The following TBCC variants were observed in gnomAD, a reference collection of about 807,000 sequenced individuals.
The protein encoded by TBCC is tubulin-specific chaperone C.
TBCC carries 25 observed loss-of-function variants against 25.3 expected under a neutral mutation model. That is an observed-to-expected ratio of 0.99 (90% CI 0.72 to 1.38). The LOEUF (loss-of-function observed/expected upper bound fraction) is 1.38. TBCC is among the 40% of genes most tolerant of loss of function. The pLI is 0.00. For synonymous variants in TBCC, 226 were observed against 192.8 expected (o/e 1.17, Z -1.43); for missense variants, 507 against 447.2 (o/e 1.13, Z -1.21).
chr6:42,745,267 G>T lies in TBCC; in HGVS notation c.807C>A (p.Thr269=). The T allele has an allele frequency of 6.2e-7, 1 of 1,614,216 alleles. No individual in the cohort carries two copies. The highest frequency in any genetic ancestry group is 8.5e-7 in the Non-Finnish European group (1 of 1,180,042). Residue 269 remains threonine, a synonymous_variant, in exon 1 of 1, where the codon ACC becomes ACA. Coordinates refer to ENST00000372876, the MANE Select transcript of TBCC (RefSeq NM_003192.3). The surrounding 1 kb of genome is among the most constrained non-coding windows in gnomAD (Gnocchi z 4.2). Reference sequence around the variant, plus strand: ...TGCTGGTCACCTGCAGGAAGATGCGGGTGTCTTTCGTACTGTGTATGCGGA... The same window carrying T: ...TGCTGGTCACCTGCAGGAAGATGCGTGTGTCTTTCGTACTGTGTATGCGGA... ...QQLRIHSTKD[T]RIFLQVTSRA...
chr6:42,745,429 C>A lies in TBCC; in HGVS notation c.645G>T (p.Thr215=). 2.5e-6 allele frequency: 4 copies of A among 1,614,208 alleles called. No homozygotes were observed. Among genetic ancestry groups the A allele is most frequent in the Non-Finnish European group, 3.4e-6 (4 of 1,180,028 alleles). Reference sequence around the variant, plus strand: ...TGTTGGGATTTCCATACAGTCTGACCGTGCAGTTGCTCAGTTCGGTCAAAA... The same window carrying A: ...TGTTGGGATTTCCATACAGTCTGACAGTGCAGTTGCTCAGTTCGGTCAAAA... The part of the protein sequence containing the change: ...DVLLTELSNC[T]VRLYGNPNTL... The change falls in exon 1 of 1, where the codon ACG becomes ACT. Residue 215 remains threonine (T), a synonymous_variant. Transcript: ENST00000372876. The surrounding 1 kb of genome is among the most constrained non-coding windows in gnomAD (Gnocchi z 4.2).
chr6:42,745,649 C>T lies in TBCC; in HGVS notation c.425G>A (p.Arg142Gln), dbSNP rs756384032. 3.1e-6 allele frequency: 5 copies of T among 1,612,146 alleles called. No individual in the cohort carries two copies. The African/African-American group carries it at 5.3e-5, about 17-fold the overall frequency. ...QPKKRFAFKT[R>Q]GKDAASSTKV... The stretch of plus-strand genomic sequence containing the variant: ...GGTAGACGAAGCAGCATCCTTTCCC[C>T]GGGTCTTGAAAGCGAAACGCTTCTT... The change falls in exon 1 of 1, where the codon CGG becomes CAG. Residue 142 changes from arginine to glutamine, a missense_variant. Coordinates refer to ENST00000372876, the MANE Select transcript of TBCC (RefSeq NM_003192.3). This position sits in a 1 kb window ranked among gnomAD's most constrained non-coding sequence, Gnocchi z 4.2.
Position 42,745,095 on chromosome 6 carries a change from C to T in TBCC, c.979G>A (p.Asp327Asn), listed in dbSNP as rs944229311. 3 of 1,614,208 alleles carry T rather than the reference C, an allele frequency of 1.9e-6. No homozygotes were observed. The highest frequency in any genetic ancestry group is 1.6e-4 in the Middle Eastern group (1 of 6,062). ...ATACTCCAGTTTGGGGAGGCCATAT[C>T]CCGGGCCAGCCAGTTAAAATCGTCA... ...DVDDFNWLAR[D>N]MASPNWSILP... Residue 327 changes from aspartate (D) to asparagine (N), a missense_variant, in exon 1 of 1, where the codon GAT becomes AAT. By Grantham distance (23) the Asp-to-Asn change is conservative. Transcript: ENST00000372876. The surrounding 1 kb of genome is among the most constrained non-coding windows in gnomAD (Gnocchi z 4.2).
Position 42,745,180 on chromosome 6 carries a change from C to T in TBCC, c.894G>A (p.Glu298=). The T allele has an allele frequency of 1.2e-6, 2 of 1,614,240 alleles. No homozygotes were observed. Among genetic ancestry groups the T allele is most frequent in the Non-Finnish European group, 1.7e-6 (2 of 1,180,042 alleles). The change falls in exon 1 of 1, where the codon GAG becomes GAA. Residue 298 remains glutamate (E), a synonymous_variant. Coordinates refer to ENST00000372876, the MANE Select transcript of TBCC (RefSeq NM_003192.3). This position sits in a 1 kb window ranked among gnomAD's most constrained non-coding sequence, Gnocchi z 4.2. The part of the protein sequence containing the change: ...QFAPYTWSYP[E]IDKDFESSGL... ...CAGAGCTCTCGAAGTCCTTGTCGAT[C>T]TCCGGGTAGCTCCAGGTGTAAGGGG... is the stretch of plus-strand genomic sequence containing the variant.
chr6:42,745,350 T>C lies in TBCC; in HGVS notation c.724A>G (p.Thr242Ala). Residue 242 changes from threonine (T) to alanine (A), a missense_variant, in exon 1 of 1, where the codon ACC becomes GCC. By Grantham distance (58) the Thr-to-Ala change is moderately conservative. Coordinates refer to ENST00000372876, the MANE Select transcript of TBCC (RefSeq NM_003192.3). This position sits in a 1 kb window ranked among gnomAD's most constrained non-coding sequence, Gnocchi z 4.2. ...SCKLLCGPVS[T>A]SVFLEDCSDC... ...CTGCAGTCCTCCAGGAAAACAGAGG[T>C]AGACACCGGACCGCAGAGCAGCTTG... The C allele has an allele frequency of 1.2e-6, 2 of 1,614,110 alleles. No homozygotes were observed. The highest frequency in any genetic ancestry group is 1.1e-5 in the South Asian group (1 of 91,082).
chr6:42,744,941 A>C lies in TBCC; in HGVS notation c.*92T>G, dbSNP rs1051492866. The C allele has an allele frequency of 3.8e-5, 45 of 1,196,532 alleles. No individual in the cohort carries two copies. The African/African-American group carries it at 6.1e-4, about 16-fold the overall frequency. The allele number at this position is 1,196,532 out of a possible 1,614,324, so 74.1% of individuals were successfully genotyped here. On this transcript the variant is annotated 3_prime_UTR_variant, in exon 1 of 1. Coordinates refer to ENST00000372876, the MANE Select transcript of TBCC (RefSeq NM_003192.3). Reference sequence around the variant, plus strand: ...GCCTTAAAATGCTGAAAACATACACAGTGTGACAATAAGTAAACTTCGAGA... The same window carrying C: ...GCCTTAAAATGCTGAAAACATACACCGTGTGACAATAAGTAAACTTCGAGA...
chr6:42,745,557 T>C lies in TBCC; in HGVS notation c.517A>G (p.Lys173Glu), dbSNP rs1236314776. The C allele has an allele frequency of 6.2e-7, 1 of 1,612,334 alleles. No homozygotes were observed. The highest frequency in any genetic ancestry group is 1.3e-5 in the African/African-American group (1 of 75,040). Residue 173 changes from lysine to glutamate, a missense_variant, in exon 1 of 1, where the codon AAG becomes GAG. Transcript: ENST00000372876. The surrounding 1 kb of genome is among the most constrained non-coding windows in gnomAD (Gnocchi z 4.2). The stretch of plus-strand genomic sequence containing the variant: ...CTGGGGCCGAGGTCTCCTTCCGCCT[T>C]CTTGGGCAGCGGGGAGTCCTGTATG... ...ESIQDSPLPK[K>E]AEGDLGPSWV...
chr6:42,745,785 G>C lies in TBCC; in HGVS notation c.289C>G (p.Leu97Val). The C allele has an allele frequency of 1.9e-6, 3 of 1,613,606 alleles. No homozygotes were observed. The highest frequency in any genetic ancestry group is 2.5e-6 in the Non-Finnish European group (3 of 1,180,044). ...AASRLQGLQK[L>V]INDSVFFLAA... ...AGGAAAAAAACTGAGTCGTTGATTA[G>C]TTTCTGCAGCCCCTGGAGCCGAGAG... Residue 97 changes from leucine to valine, a missense_variant, in exon 1 of 1, where the codon CTA becomes GTA. Leu to Val is a conservative substitution (Grantham distance 32). Transcript: ENST00000372876. This position sits in a 1 kb window ranked among gnomAD's most constrained non-coding sequence, Gnocchi z 4.2.
rs768113400 is a variant in TBCC, at chr6:42,745,820, T to G, written c.254A>C (p.Glu85Ala). 1.8e-5 allele frequency: 29 copies of G among 1,612,318 alleles called. No homozygotes were observed. In the Admixed American group the frequency reaches 4.5e-4, roughly 25 times the overall value. Reference protein sequence around the residue: ...LERAESVERLEEAASRLQGLQ... With the variant: ...LERAESVERLAEAASRLQGLQ... Reference sequence around the variant, plus strand: ...CCCCTGGAGCCGAGAGGCCGCCTCCTCCAGCCGCTCGACCGACTCCGCGCG... The same window carrying G: ...CCCCTGGAGCCGAGAGGCCGCCTCCGCCAGCCGCTCGACCGACTCCGCGCG... Residue 85 changes from glutamate (E) to alanine (A), a missense_variant, in exon 1 of 1, where the codon GAG becomes GCG. Coordinates refer to ENST00000372876, the MANE Select transcript of TBCC (RefSeq NM_003192.3). This position sits in a 1 kb window ranked among gnomAD's most constrained non-coding sequence, Gnocchi z 4.2.
In TBCC at chr6:42,745,566, G is replaced by C; in HGVS notation, c.508C>G (p.Leu170Val). 1 of 1,612,598 alleles carries C rather than the reference G, an allele frequency of 6.2e-7. No homozygotes were observed. The highest frequency in any genetic ancestry group is 8.5e-7 in the Non-Finnish European group (1 of 1,179,462). ...PAVESIQDSPLPKKAEGDLGP... is the reference protein window; with the variant it reads ...PAVESIQDSPVPKKAEGDLGP... ...AGGTCTCCTTCCGCCTTCTTGGGCA[G>C]CGGGGAGTCCTGTATGCTTTCAACT... The change falls in exon 1 of 1, where the codon CTG (leucine) becomes GTG (valine). Residue 170 changes from leucine (L) to valine (V), a missense_variant. Transcript: ENST00000372876. The surrounding 1 kb of genome is among the most constrained non-coding windows in gnomAD (Gnocchi z 4.2).
rs761780773 is a variant in TBCC, at chr6:42,745,267, GGT to G, written c.805_806del (p.Thr269ProfsTer41). 49 of 1,614,216 alleles carry G rather than the reference GGT, an allele frequency of 3.0e-5. No individual in the cohort carries two copies. Among genetic ancestry groups the G allele is most frequent in the Non-Finnish European group, 4.1e-5 (48 of 1,180,042 alleles). On this transcript the variant is annotated frameshift_variant, in exon 1 of 1. Coordinates refer to ENST00000372876, the MANE Select transcript of TBCC (RefSeq NM_003192.3). LOFTEE classifies it high-confidence loss of function. The surrounding 1 kb of genome is among the most constrained non-coding windows in gnomAD (Gnocchi z 4.2). ...QQLRIHSTKD[T>X]RIFLQVTSRA... ...TGCTGGTCACCTGCAGGAAGATGCG[GGT>G]GTCTTTCGTACTGTGTATGCGGAGC... is the stretch of plus-strand genomic sequence containing the variant.
chr6:42,745,353 A>G lies in TBCC; in HGVS notation c.721T>C (p.Ser241Pro). 6.2e-7 allele frequency: 1 copy of G among 1,614,220 alleles called. No homozygotes were observed. Among genetic ancestry groups the G allele is most frequent in the South Asian group, 1.1e-5 (1 of 91,088 alleles). The change falls in exon 1 of 1, where the codon TCT (serine) becomes CCT (proline). Residue 241 changes from serine to proline, a missense_variant. Coordinates refer to ENST00000372876, the MANE Select transcript of TBCC (RefSeq NM_003192.3). The surrounding 1 kb of genome is among the most constrained non-coding windows in gnomAD (Gnocchi z 4.2). ...CAGTCCTCCAGGAAAACAGAGGTAGACACCGGACCGCAGAGCAGCTTGCAG... is the reference window on the plus strand; with the variant it reads ...CAGTCCTCCAGGAAAACAGAGGTAGGCACCGGACCGCAGAGCAGCTTGCAG... ...HSCKLLCGPV[S>P]TSVFLEDCSD...
chr6:42,745,144 C>G lies in TBCC; in HGVS notation c.930G>C (p.Arg310Ser), dbSNP rs1199628306. Residue 310 changes from arginine (R) to serine (S), a missense_variant, in exon 1 of 1, where the codon AGG becomes AGC. Physicochemically the swap from Arg to Ser is moderately radical, Grantham distance 110. Coordinates refer to ENST00000372876, the MANE Select transcript of TBCC (RefSeq NM_003192.3). This position sits in a 1 kb window ranked among gnomAD's most constrained non-coding sequence, Gnocchi z 4.2. The part of the protein sequence containing the change: ...DKDFESSGLD[R>S]SKNNWNDVDD... ...CAACATCGTTCCAGTTATTTTTGCT[C>G]CTATCTAAACCAGAGCTCTCGAAGT... 2.5e-6 allele frequency: 4 copies of G among 1,614,088 alleles called. No individual in the cohort carries two copies. The highest frequency in any genetic ancestry group is 2.5e-6 in the Non-Finnish European group (3 of 1,180,050).
At position 42,745,280 on chromosome 6, in the gene TBCC, C is replaced by A. The variant is rs774312032; in HGVS notation, c.794G>T (p.Ser265Ile). 1 of 1,614,222 alleles carries A rather than the reference C, an allele frequency of 6.2e-7. No homozygotes were observed. The highest frequency in any genetic ancestry group is 8.5e-7 in the Non-Finnish European group (1 of 1,180,040). Residue 265 changes from serine to isoleucine, a missense_variant, in exon 1 of 1, where the codon AGT (serine) becomes ATT (isoleucine). Ser to Ile is a moderately radical substitution (Grantham distance 142). Transcript: ENST00000372876. The surrounding 1 kb of genome is among the most constrained non-coding windows in gnomAD (Gnocchi z 4.2). The stretch of plus-strand genomic sequence containing the variant: ...CAGGAAGATGCGGGTGTCTTTCGTA[C>A]TGTGTATGCGGAGCTGTTGGCAGGC... ...AVACQQLRIH[S>I]TKDTRIFLQV...
rs780576556 is a variant in TBCC, at chr6:42,746,102, T to G, written c.-29A>C. 12 of 1,586,158 alleles carry G rather than the reference T, an allele frequency of 7.6e-6. No homozygotes were observed. The highest frequency in any genetic ancestry group is 1.0e-5 in the Non-Finnish European group (12 of 1,164,080). On this transcript the variant is annotated 5_prime_UTR_variant, in exon 1 of 1. Coordinates refer to ENST00000372876, the MANE Select transcript of TBCC (RefSeq NM_003192.3). ...GGCTTCAAGCTTCCTCTCTCTTGTCTTCCTTCCTCCGGGCGCGCTGTCCGT... is the reference window on the plus strand; with the variant it reads ...GGCTTCAAGCTTCCTCTCTCTTGTCGTCCTTCCTCCGGGCGCGCTGTCCGT...
rs1211944527 is a variant in TBCC, at chr6:42,746,068, C to T, written c.6G>A (p.Glu2=). The stretch of plus-strand genomic sequence containing the variant: ...CAGCAGCAGCGGAGCAACTGACGGA[C>T]TCCATATTGGCTTCAAGCTTCCTCT... M[E]SVSCSAAAVR... Residue 2 remains glutamate (E), a synonymous_variant, in exon 1 of 1, where the codon GAG becomes GAA. Transcript: ENST00000372876. 6.2e-7 allele frequency: 1 copy of T among 1,612,510 alleles called. No individual in the cohort carries two copies. Among genetic ancestry groups the T allele is most frequent in the Non-Finnish European group, 8.5e-7 (1 of 1,179,054 alleles).
At position 42,745,530 on chromosome 6, in the gene TBCC, A is replaced by G; in HGVS notation, c.544T>C (p.Trp182Arg). 3 of 1,611,054 alleles carry G rather than the reference A, an allele frequency of 1.9e-6. 1 individual carries two copies. ...TCCAGGTTGGAGAAACCGCAGACCC[A>G]GCTGGGGCCGAGGTCTCCTTCCGCC... ...KKAEGDLGPS[W>R]VCGFSNLESQ... The change falls in exon 1 of 1, where the codon TGG becomes CGG. Residue 182 changes from tryptophan (W) to arginine (R), a missense_variant. Transcript: ENST00000372876. The surrounding 1 kb of genome is among the most constrained non-coding windows in gnomAD (Gnocchi z 4.2).
rs375704758 is a variant in TBCC, at chr6:42,745,676, G to A, written c.398C>T (p.Pro133Leu). The A allele has an allele frequency of 7.8e-5, 126 of 1,611,678 alleles. No individual in the cohort carries two copies. The highest frequency in any genetic ancestry group is 9.9e-5 in the Non-Finnish European group (117 of 1,179,162). Reference protein sequence around the residue: ...ALAERRRGLQPKKRFAFKTRG... With the variant: ...ALAERRRGLQLKKRFAFKTRG... The stretch of plus-strand genomic sequence containing the variant: ...GGTCTTGAAAGCGAAACGCTTCTTG[G>A]GCTGCAGCCCCCGGCGCCGCTCGGC... Residue 133 changes from proline to leucine, a missense_variant, in exon 1 of 1, where the codon CCC becomes CTC. Transcript: ENST00000372876. The surrounding 1 kb of genome is among the most constrained non-coding windows in gnomAD (Gnocchi z 4.2).
chr6:42,745,028 A>T lies in TBCC; in HGVS notation c.*5T>A, dbSNP rs759966424. The T allele has an allele frequency of 2.5e-6, 4 of 1,611,290 alleles. No homozygotes were observed. The highest frequency in any genetic ancestry group is 3.4e-6 in the Non-Finnish European group (4 of 1,178,126). On this transcript the variant is annotated 3_prime_UTR_variant, in exon 1 of 1. Transcript: ENST00000372876. This position sits in a 1 kb window ranked among gnomAD's most constrained non-coding sequence, Gnocchi z 4.2. Reference sequence around the variant, plus strand: ...GGTAGGAGTGAAGAACAGAGTGACAACTGCTTAGTCCCACTGGATATTTCG... The same window carrying T: ...GGTAGGAGTGAAGAACAGAGTGACATCTGCTTAGTCCCACTGGATATTTCG...
Sources: gnomAD v4.1 joint callset for allele counts on GRCh38, gnomAD v4.1.1 for gene constraint, Gnocchi (gnomAD v3.1) non-coding constraint, MANE v1.5 for transcripts, NCBI Gene and HGNC (gene_info 2026-07-23, HGNC 2026-07-21) for gene names.